SPTB: variants seen among roughly 807,000 people sequenced by gnomAD.
SPTB encodes spectrin beta, erythrocytic, also known as spectrin beta chain, erythrocytic.
SPTB carries 45 observed loss-of-function variants against 256.2 expected under a neutral mutation model. That is an observed-to-expected ratio of 0.18 (90% CI 0.14 to 0.23). The LOEUF (loss-of-function observed/expected upper bound fraction) is 0.23. Ranked by LOEUF, SPTB falls within the 10% of genes least tolerant of loss-of-function variation. SPTB has a pLI of 1.00. For synonymous variants in SPTB, 1,231 were observed against 1,243.1 expected, an observed-to-expected ratio of 0.99 and a Z score of 0.21; for missense variants, 2,715 against 3,040.4, an observed-to-expected ratio of 0.89 and a Z score of 2.52.
At chr14:64,766,595 G>T in intron 32 of SPTB, 131 bp downstream of exon 32, 2 of 1,603,674 alleles carry the variant, frequency 1.2e-6, no homozygotes, top group South Asian at 1.1e-5. Context: ...GTGGCTGCAG[G>T]GATGTGGGGA....
chr14:64,816,452 C>T lies in SPTB; in HGVS notation c.148+6495G>A, dbSNP rs2083191887. 6.6e-6 allele frequency among the ~76,000 whole-genome samples: 1 copy of T among 152,208 alleles called. No individual in the cohort carries two copies. Among genetic ancestry groups the T allele is most frequent in the Non-Finnish European group, 1.5e-5 (1 of 68,048 alleles). ...CCTGCCCTCCTATCACCACCACCAA[C>T]CCTGCACTCTGACTCAAACATGCTT... On this transcript the variant is annotated intron_variant, in intron 2 of 35. Transcript: ENST00000644917. This position sits in a 1 kb window ranked among gnomAD's most constrained non-coding sequence, Gnocchi z 4.2.
intron 2 of SPTB, among the ~76,000 whole-genome samples, chr14:64,817,390 A>G (rs1416980156): frequency 1.3e-5 from 2 of 152,210 alleles, no homozygotes; most frequent in East Asian, 1.9e-4. Context: ...TGGATAGTAT[A>G]TTTTCCCAAT....
intron 1 of SPTB, among the ~76,000 whole-genome samples, chr14:64,842,125 GC>G (rs1566797683): frequency 1.3e-5 from 2 of 152,262 alleles, no homozygotes; most frequent in Non-Finnish European, 2.9e-5. Context: ...CCAAGTGCCT[GC>G]CATTTCCAGG....
At chr14:64,837,270 T>A (rs945645701) in intron 1 of SPTB, among the ~76,000 whole-genome samples, 1 of 152,224 alleles carries the variant, frequency 6.6e-6, no homozygotes, top group African/African-American at 2.4e-5. Flanking sequence ...TATTCTAGCA[T>A]CTTGTATTTA....
rs1223005278 is a variant in SPTB at position 64,806,940 on chromosome 14, A to G, written c.149-1850T>C. Among the ~76,000 whole-genome samples, 1 of 152,252 alleles carries G rather than the reference A, an allele frequency of 6.6e-6. No individual in the cohort carries two copies. The highest frequency in any genetic ancestry group is 1.5e-5 in the Non-Finnish European group (1 of 68,044). ...ATTCTGGGCCTCTGTGCAAAGTTTC[A>G]GCGAGAAAACTCCCCTTACCCTTTT... On this transcript the variant is annotated intron_variant, in intron 2 of 35. Coordinates refer to ENST00000644917, the MANE Select transcript of SPTB (RefSeq NM_001355436.2). This position sits in a 1 kb window ranked among gnomAD's most constrained non-coding sequence, Gnocchi z 4.1.
intron 1 of SPTB, among the ~76,000 whole-genome samples, chr14:64,843,583 A>G (rs150816516): frequency 6.6e-6 from 1 of 152,308 alleles, no homozygotes; most frequent in East Asian, 1.9e-4. Context: ...AGTCTCCGGT[A>G]GTAGGAAAAA....
chr14:64,799,728 C>T lies in SPTB; in HGVS notation c.1064+19G>A, dbSNP rs1426053541. ...TCCCAGCCACTGAGGACCACCCTCCCATGTGCCAGGGCCCTTACTTGGGCG... is the reference window on the plus strand; with the variant it reads ...TCCCAGCCACTGAGGACCACCCTCCTATGTGCCAGGGCCCTTACTTGGGCG... On this transcript the variant is annotated intron_variant, in intron 9 of 35. Coordinates refer to ENST00000644917, the MANE Select transcript of SPTB (RefSeq NM_001355436.2). 1.2e-6 allele frequency: 2 copies of T among 1,613,724 alleles called. No individual in the cohort carries two copies. The highest frequency in any genetic ancestry group is 1.3e-5 in the African/African-American group (1 of 74,928).
At position 64,769,715 on chromosome 14, in the gene SPTB, C is replaced by T. The variant is rs2082249346; in HGVS notation, c.5812G>A (p.Val1938Met). ...TQERPRDVSS[V>M]ELLMKYHQGI... ...TGGTGATACTTCATGAGCAGTTCCA[C>T]AGAGGAGACATCCCTGGGGGACAGG... The change falls in exon 28 of 36, where the codon GTG becomes ATG. Residue 1938 changes from valine (V) to methionine (M), a missense_variant. This residue lies in a region of SPTB where 2,239 missense variants were observed against 2,384.4 expected (regional missense o/e 0.94). Coordinates refer to ENST00000644917, the MANE Select transcript of SPTB (RefSeq NM_001355436.2). The T allele has an allele frequency of 6.2e-7, 1 of 1,614,070 alleles. No individual in the cohort carries two copies. Among genetic ancestry groups the T allele is most frequent in the Admixed American group, 1.7e-5 (1 of 60,006 alleles).
Position 64,845,462 on chromosome 14 carries a change from TCTC to T in SPTB, c.-51-22320_-51-22318del, listed in dbSNP as rs1403592564. ...GCCCTTTGATGAAAATACCTGCCAG[TCTC>T]CTCATCTCCATCAATTAGAAAAAGA... On this transcript the variant is annotated intron_variant, in intron 1 of 35. Transcript: ENST00000644917. The surrounding 1 kb of genome is among the most constrained non-coding windows in gnomAD (Gnocchi z 4.8). Among the ~76,000 whole-genome samples, 7 of 152,172 alleles carry T rather than the reference TCTC, an allele frequency of 4.6e-5. No homozygotes were observed. In the South Asian group the frequency reaches 8.3e-4, roughly 18 times the overall value.
In SPTB at chr14:64,786,032, T is replaced by C. The variant is rs2082560339; in HGVS notation, c.3562-81A>G. 2.8e-6 allele frequency: 4 copies of C among 1,438,982 alleles called. No homozygotes were observed. The South Asian group carries it at 4.6e-5, about 17-fold the overall frequency. The allele number at this position is 1,438,982 out of a possible 1,614,324, so 89.1% of individuals were successfully genotyped here. Reference sequence around the variant, plus strand: ...ACACCTCCCAAGTGGGAGCACCACGTGCAGCCACACAGGCCACGGTATGAA... The same window carrying C: ...ACACCTCCCAAGTGGGAGCACCACGCGCAGCCACACAGGCCACGGTATGAA... On this transcript the variant is annotated intron_variant, in intron 16 of 35. Coordinates refer to ENST00000644917, the MANE Select transcript of SPTB (RefSeq NM_001355436.2). This position sits in a 1 kb window ranked among gnomAD's most constrained non-coding sequence, Gnocchi z 5.6.
Position 64,866,748 on chromosome 14 carries a change from C to T in SPTB, c.-52+13044G>A, listed in dbSNP as rs1243789673. Among the ~76,000 whole-genome samples the T allele has an allele frequency of 6.6e-6, 1 of 152,036 alleles. No individual in the cohort carries two copies. Among genetic ancestry groups the T allele is most frequent in the Non-Finnish European group, 1.5e-5 (1 of 67,992 alleles). On this transcript the variant is annotated intron_variant, in intron 1 of 35. Transcript: ENST00000644917. The surrounding 1 kb of genome is among the most constrained non-coding windows in gnomAD (Gnocchi z 4.6). ...AAGGCAGAAATGAGGGCAGAACAAG[C>T]CAACCAAAAAATACTGTAATATATT... is the stretch of plus-strand genomic sequence containing the variant.
chr14:64,749,950 C>T lies in SPTB; in HGVS notation c.6776+31G>A, dbSNP rs749651711. 1 of 1,614,152 alleles carries T rather than the reference C, an allele frequency of 6.2e-7. No homozygotes were observed. The highest frequency in any genetic ancestry group is 1.1e-5 in the South Asian group (1 of 91,086). On this transcript the variant is annotated intron_variant, in intron 34 of 35. Coordinates refer to ENST00000644917, the MANE Select transcript of SPTB (RefSeq NM_001355436.2). The surrounding 1 kb of genome is among the most constrained non-coding windows in gnomAD (Gnocchi z 4.7). ...CACTAATGCCAAATCAAGCCATCAA[C>T]CCGAGCTTTCAAAGGCCAGGAAGGC...
rs1228210390 is a variant in SPTB at position 64,793,420 on chromosome 14, A to G, written c.2243T>C (p.Phe748Ser). 3.7e-6 allele frequency: 6 copies of G among 1,613,766 alleles called. No individual in the cohort carries two copies. Among genetic ancestry groups the G allele is most frequent in the Admixed American group, 1.7e-5 (1 of 60,024 alleles). Residue 748 changes from phenylalanine (F) to serine (S), a missense_variant, in exon 14 of 36, where the codon TTC (phenylalanine) becomes TCC (serine). Phe to Ser is a radical substitution (Grantham distance 155, BLOSUM62 -2). This residue lies in a region of SPTB where 2,239 missense variants were observed against 2,384.4 expected (regional missense o/e 0.94). Coordinates refer to ENST00000644917, the MANE Select transcript of SPTB (RefSeq NM_001355436.2). This position sits in a 1 kb window ranked among gnomAD's most constrained non-coding sequence, Gnocchi z 7.0. ...CTTCAGGTCATCCGCATCGCCCTGG[A>G]ACTGGAAAAAGTTCTCAGCATCCTG... Reference protein sequence around the residue: ...NLQDAENFFQFQGDADDLKAW... With the variant: ...NLQDAENFFQSQGDADDLKAW...
intron 19 of SPTB, 139 bp from the exon 20 acceptor site, chr14:64,782,692 C>A: frequency 7.7e-7 from 1 of 1,291,822 alleles, no homozygotes; most frequent in Non-Finnish European, 1.1e-6. Context: ...TAAGACTCAA[C>A]TGAAATGAAC....
chr14:64,800,338 G>T (rs1415798212), intron 8 of SPTB, among the ~76,000 whole-genome samples: 1 of 152,206 alleles, frequency 6.6e-6, no homozygotes, highest in African/African-American at 2.4e-5. Flanking sequence ...AATGAGAAAT[G>T]GTACCTATAC....
chr14:64,836,181 TG>T (rs2083519024), intron 1 of SPTB, among the ~76,000 whole-genome samples: 1 of 152,338 alleles, frequency 6.6e-6, no homozygotes, highest in Non-Finnish European at 1.5e-5. Flanking sequence ...ACCTAGAGGA[TG>T]GGGCCATAAG....
At position 64,750,136 on chromosome 14, in the gene SPTB, G is replaced by A. The variant is rs771424744; in HGVS notation, c.6621C>T (p.Tyr2207=). 12 of 1,613,126 alleles carry A rather than the reference G, an allele frequency of 7.4e-6. No homozygotes were observed. The highest frequency in any genetic ancestry group is 1.0e-5 in the Non-Finnish European group (12 of 1,179,108). ...TTAGCTCACTGTTCCTGAGCACACA[G>A]TACAGGTTGTTCCAGGACCTGCAAA... is the stretch of plus-strand genomic sequence containing the variant. The part of the protein sequence containing the change: ...KASNRSWNNL[Y]CVLRNSELTF... The change falls in exon 34 of 36, where the codon TAC becomes TAT. Residue 2207 remains tyrosine (Y), a synonymous_variant. Coordinates refer to ENST00000644917, the MANE Select transcript of SPTB (RefSeq NM_001355436.2).
chr14:64,777,957 G>T lies in SPTB; in HGVS notation c.4563+1200C>A, dbSNP rs2082390824. On this transcript the variant is annotated intron_variant, in intron 22 of 35. Transcript: ENST00000644917. The surrounding 1 kb of genome is among the most constrained non-coding windows in gnomAD (Gnocchi z 4.5). ...CCTTTGAACAATAACACTTACAGAG[G>T]CTGCATAGAATCAAAAATCCTAGTG... is the stretch of plus-strand genomic sequence containing the variant. 6.6e-6 allele frequency among the ~76,000 whole-genome samples: 1 copy of T among 152,112 alleles called. No homozygotes were observed. The highest frequency in any genetic ancestry group is 2.4e-5 in the African/African-American group (1 of 41,416).
chr14:64,797,404 C>T (rs756631172), intron 10 of SPTB, among the ~76,000 whole-genome samples: 1 of 131,014 alleles, frequency 7.6e-6, no homozygotes, highest in African/African-American at 2.9e-5. Context: ...GAGGACGAGG[C>T]TGCAGTGAGC....
Sources: gnomAD v4.1 joint callset for allele counts (sites outside exome capture counted in the v4.1 genomes callset) on GRCh38, gnomAD v4.1.1 for gene constraint, gnomAD v4.1.1 regional missense constraint, Gnocchi (gnomAD v3.1) non-coding constraint, MANE v1.5 for transcripts, NCBI Gene and HGNC (gene_info 2026-07-23, HGNC 2026-07-21) for gene names.